PTPRM: variants seen among roughly 807,000 people sequenced by gnomAD.
The protein encoded by PTPRM is protein tyrosine phosphatase receptor type M, also known as receptor-type tyrosine-protein phosphatase mu.
A neutral mutation model predicts 186.7 loss-of-function variants in PTPRM; 47 were observed. The observed-to-expected ratio is 0.25, with a 90% CI of 0.20 to 0.32. The LOEUF is 0.32. Ranked by LOEUF, PTPRM falls within the 10% of genes least tolerant of loss-of-function variation. The pLI, the probability that PTPRM is intolerant of heterozygous loss-of-function variation, is 1.00. For missense variants in PTPRM, 1,494 were observed against 1,865.0 expected, an observed-to-expected ratio of 0.80 and a Z score of 3.66; for synonymous variants, 668 against 674.9, an observed-to-expected ratio of 0.99 and a Z score of 0.16.
chr18:8,165,517 C>T (rs773598948), intron 14 of PTPRM, among the ~76,000 whole-genome samples: 1 of 152,208 alleles, frequency 6.6e-6, no homozygotes, highest in Non-Finnish European at 1.5e-5. Flanking sequence ...GAAAACCAAA[C>T]TGCCTTGAAA....
chr18:7,645,342 T>C (rs868620832), intron 1 of PTPRM, among the ~76,000 whole-genome samples: 1 of 152,240 alleles, frequency 6.6e-6, no homozygotes. Flanking sequence ...ATTTTACTTA[T>C]GTAACGATTT....
intron 14 of PTPRM, among the ~76,000 whole-genome samples, chr18:8,155,319 T>A (rs1040005546): frequency 6.6e-6 from 1 of 152,210 alleles, no homozygotes; most frequent in Non-Finnish European, 1.5e-5. Context: ...TTCAGGAATT[T>A]GAGAACATTT....
intron 14 of PTPRM, among the ~76,000 whole-genome samples, chr18:8,172,566 T>C (rs1200923488): frequency 6.6e-6 from 1 of 152,070 alleles, no homozygotes; most frequent in Non-Finnish European, 1.5e-5. Context: ...TCTATACAAG[T>C]TCCCCCAGTG....
chr18:7,577,065 A>G (rs929669339), intron 1 of PTPRM, among the ~76,000 whole-genome samples: 3 of 152,216 alleles, frequency 2.0e-5, no homozygotes, highest in African/African-American at 7.2e-5. Flanking sequence ...AAATCAAATA[A>G]CTTATGCTTA....
intron 1 of PTPRM, among the ~76,000 whole-genome samples, chr18:7,574,366 G>C (rs143612612): frequency 2.0e-5 from 3 of 152,058 alleles, no homozygotes. Context: ...AATTTCCCTG[G>C]GTTGATATTT....
intron 4 of PTPRM, among the ~76,000 whole-genome samples, chr18:7,920,001 ACTC>A (rs562284056): frequency 3.2e-4 from 49 of 151,918 alleles, no homozygotes; most frequent in Non-Finnish European, 7.4e-5. Context: ...AAACATAGAT[ACTC>A]CTCCTCTTTT....
intron 2 of PTPRM, among the ~76,000 whole-genome samples, chr18:7,782,141 G>A (rs1035812865): frequency 6.6e-6 from 1 of 152,184 alleles, no homozygotes; most frequent in Admixed American, 6.5e-5. Flanking sequence ...ACCATTTCAT[G>A]TCAGTGACCT....
intron 2 of PTPRM, among the ~76,000 whole-genome samples, chr18:7,804,743 C>T (rs967468990): frequency 1.3e-5 from 2 of 152,138 alleles, no homozygotes; most frequent in African/African-American, 4.8e-5. Flanking sequence ...GAAAGAAAAT[C>T]ATGCTTTTAT....
intron 14 of PTPRM, among the ~76,000 whole-genome samples, chr18:8,224,360 C>T (rs1301355174): frequency 6.6e-6 from 1 of 152,312 alleles, no homozygotes; most frequent in East Asian, 1.9e-4. Flanking sequence ...ATGAAACACT[C>T]AATTACAAGT....
intron 7 of PTPRM, among the ~76,000 whole-genome samples, chr18:8,058,726 G>A (rs1664808266): frequency 1.6e-5 from 1 of 60,692 alleles, no homozygotes; most frequent in Admixed American, 1.6e-4. Flanking sequence ...TTTCCCCATT[G>A]CTTGTTTTTC....
At chr18:7,644,563 A>C in intron 1 of PTPRM, among the ~76,000 whole-genome samples, 1 of 152,154 alleles carries the variant, frequency 6.6e-6, no homozygotes, top group East Asian at 1.9e-4. Flanking sequence ...CTATCAAGAA[A>C]ATTGAAGAAA....
At chr18:8,029,080 T>C (rs2085765763) in intron 7 of PTPRM, among the ~76,000 whole-genome samples, 1 of 152,234 alleles carries the variant, frequency 6.6e-6, no homozygotes, top group Non-Finnish European at 1.5e-5. Context: ...GAGGCTGTGG[T>C]AACTTCCTGT....
intron 11 of PTPRM, among the ~76,000 whole-genome samples, chr18:8,101,727 C>G (rs1247385642): frequency 6.6e-6 from 1 of 152,164 alleles, no homozygotes; most frequent in African/African-American, 2.4e-5. Context: ...CCGTGTAACA[C>G]TTAATCTTGT....
intron 1 of PTPRM, among the ~76,000 whole-genome samples, chr18:7,682,422 A>G (rs965533189): frequency 2.0e-5 from 3 of 152,214 alleles, no homozygotes; most frequent in Non-Finnish European, 2.9e-5. Flanking sequence ...TAAGAAAAAG[A>G]ATAAAGAAGA....
intron 14 of PTPRM, among the ~76,000 whole-genome samples, chr18:8,199,567 A>G (rs1218675440): frequency 6.6e-6 from 1 of 152,118 alleles, no homozygotes. Flanking sequence ...CTCAAGAAAA[A>G]TCTACACCAT....
intron 14 of PTPRM, among the ~76,000 whole-genome samples, chr18:8,186,923 G>GTTT (rs2093649798): frequency 6.6e-6 from 1 of 151,726 alleles, no homozygotes; most frequent in African/African-American, 2.4e-5. Context: ...AGTGGGCAAG[G>GTTT]AGGGCCTCCC....
intron 5 of PTPRM, among the ~76,000 whole-genome samples, chr18:7,931,457 G>A (rs910835241): frequency 6.6e-6 from 1 of 152,136 alleles, no homozygotes; most frequent in Non-Finnish European, 1.5e-5. Flanking sequence ...TGTAATCCCA[G>A]CACTTTGAGA....
chr18:8,257,153 G>T (rs913486038), intron 19 of PTPRM, among the ~76,000 whole-genome samples: 5 of 152,250 alleles, frequency 3.3e-5, no homozygotes, highest in Non-Finnish European at 5.9e-5. Context: ...CCAGCCAAGA[G>T]CAAGGATGAC....
chr18:7,775,167 C>A (rs938692485), intron 2 of PTPRM, among the ~76,000 whole-genome samples: 5 of 152,188 alleles, frequency 3.3e-5, no homozygotes, highest in African/African-American at 4.8e-5. Context: ...AATGTTGTCA[C>A]TAAGGTTTAA....
Sources: allele counts gnomAD v4.1 joint callset (sites outside exome capture counted in the v4.1 genomes callset), GRCh38; gene constraint gnomAD v4.1.1; transcripts MANE v1.5; gene names NCBI Gene and HGNC (gene_info 2026-07-23, HGNC 2026-07-21).